ROBO1: variants seen among roughly 807,000 people sequenced by gnomAD.
ROBO1 encodes the protein roundabout guidance receptor 1, also known as roundabout homolog 1.
A neutral mutation model predicts 195.9 loss-of-function variants in ROBO1; 149 were observed. The observed-to-expected ratio is 0.76, with a 90% CI of 0.67 to 0.87. The LOEUF is 0.87. ROBO1 is among the 40% of genes least tolerant of loss of function. The pLI, the probability that ROBO1 is intolerant of heterozygous loss-of-function variation, is 0.00. For synonymous variants in ROBO1, 816 were observed against 733.2 expected (o/e 1.11, Z -1.82); for missense variants, 1,933 against 2,068.3 (o/e 0.93, Z 1.27).
intron 1 of ROBO1, among the ~76,000 whole-genome samples, chr3:79,622,597 C>A (rs1945042775): frequency 6.6e-6 from 1 of 152,218 alleles, no homozygotes; most frequent in Non-Finnish European, 1.5e-5. Flanking sequence ...TGAGGCCTGA[C>A]CCTGACCCAT....
intron 2 of ROBO1, among the ~76,000 whole-genome samples, chr3:79,500,522 G>A (rs906526010): frequency 6.6e-6 from 1 of 152,116 alleles, no homozygotes; most frequent in Non-Finnish European, 1.5e-5. Context: ...CTCCTGTGAC[G>A]CACCTGCCCT....
intron 1 of ROBO1, among the ~76,000 whole-genome samples, chr3:79,610,570 C>T (rs887861584): frequency 6.6e-6 from 1 of 151,928 alleles, no homozygotes; most frequent in African/African-American, 2.4e-5. Context: ...AATACTGATA[C>T]AAGTTTACAT....
intron 22 of ROBO1, among the ~76,000 whole-genome samples, chr3:78,639,108 T>G (rs1553689011): frequency 6.6e-6 from 1 of 151,632 alleles, no homozygotes; most frequent in Non-Finnish European, 1.5e-5. Context: ...ATTGCGCCTC[T>G]GAGCTCCAGC....
In ROBO1 at chr3:79,325,546, G is replaced by A. The variant is rs141425931; in HGVS notation, c.89-200007C>T. ...TCGTGGGAAGTCAGGGACCCCAAAC[G>A]GAGGGACCGGCTGAAGCCATGGCAG... On this transcript the variant is annotated intron_variant, in intron 2 of 30. Transcript: ENST00000464233. Among the ~76,000 whole-genome samples the A allele has an allele frequency of 1.6e-3, 248 of 152,280 alleles. 1 individual carries two copies. Among genetic ancestry groups the A allele is most frequent in the African/African-American group, 5.1e-3 (210 of 41,556 alleles).
chr3:79,583,317 T>C (rs1298149038), intron 2 of ROBO1, among the ~76,000 whole-genome samples: 1 of 152,002 alleles, frequency 6.6e-6, no homozygotes, highest in African/African-American at 2.4e-5. Flanking sequence ...GACTCTTACA[T>C]ATGCCATAAT....
At chr3:79,008,405 A>C (rs2077678036) in intron 3 of ROBO1, among the ~76,000 whole-genome samples, 1 of 152,154 alleles carries the variant, frequency 6.6e-6, no homozygotes, top group Admixed American at 6.6e-5. Flanking sequence ...CTGGGGAATA[A>C]ATAATTTTAT....
intron 3 of ROBO1, among the ~76,000 whole-genome samples, chr3:79,046,886 T>G (rs1476594874): frequency 6.6e-6 from 1 of 152,142 alleles, no homozygotes; most frequent in Non-Finnish European, 1.5e-5. Flanking sequence ...ACATAGGTTC[T>G]TTGAGATAAT....
At chr3:78,624,064 TAG>T (rs1345629101) in intron 26 of ROBO1, among the ~76,000 whole-genome samples, 5 of 152,250 alleles carry the variant, frequency 3.3e-5, no homozygotes, top group African/African-American at 9.6e-5. Context: ...GTTGGTTAAA[TAG>T]AGTTACACAC....
intron 1 of ROBO1, among the ~76,000 whole-genome samples, chr3:79,618,716 C>G (rs111528833): frequency 2.6e-5 from 4 of 152,152 alleles, no homozygotes; most frequent in Non-Finnish European, 4.4e-5. Context: ...TTCACATGGA[C>G]GCACATGACA....
At chr3:79,677,660 C>A (rs1392058816) in intron 1 of ROBO1, among the ~76,000 whole-genome samples, 1 of 152,068 alleles carries the variant, frequency 6.6e-6, no homozygotes, top group Non-Finnish European at 1.5e-5. Flanking sequence ...TATCAGCATG[C>A]AACTGCAAGT....
At chr3:79,180,824 G>A (rs901230646) in intron 2 of ROBO1, among the ~76,000 whole-genome samples, 1 of 152,100 alleles carries the variant, frequency 6.6e-6, no homozygotes, top group African/African-American at 2.4e-5. Context: ...AAGTAACTAT[G>A]GCCTGATTTC....
At chr3:79,023,392 A>G (rs2078139138) in intron 3 of ROBO1, among the ~76,000 whole-genome samples, 1 of 152,198 alleles carries the variant, frequency 6.6e-6, no homozygotes, top group African/African-American at 2.4e-5. Flanking sequence ...AGTGATCCGA[A>G]TAATCCGAAT....
chr3:79,141,374 C>T (rs764551630), intron 2 of ROBO1, among the ~76,000 whole-genome samples: 6 of 152,042 alleles, frequency 3.9e-5, no homozygotes, highest in Admixed American at 1.3e-4. Flanking sequence ...ACCACAGTCA[C>T]GGTTTTGCAC....
intron 2 of ROBO1, among the ~76,000 whole-genome samples, chr3:79,578,095 G>A (rs904917547): frequency 4.6e-5 from 7 of 151,754 alleles, no homozygotes; most frequent in Non-Finnish European, 8.8e-5. Context: ...TTTAAATCAC[G>A]AGATACTACT....
chr3:79,143,328 T>C (rs1485924002), intron 2 of ROBO1, among the ~76,000 whole-genome samples: 1 of 152,024 alleles, frequency 6.6e-6, no homozygotes, highest in Non-Finnish European at 1.5e-5. Context: ...ATTCTGTAGC[T>C]TCTAGGTAAA....
chr3:78,757,684 C>T lies in ROBO1; in HGVS notation c.500-10784G>A, dbSNP rs146487274. On this transcript the variant is annotated intron_variant, in intron 4 of 30. Coordinates refer to ENST00000464233, the MANE Select transcript of ROBO1 (RefSeq NM_002941.4). ...TGAAAACAAACAAACAAACTCTTCC[C>T]ACCAATGTATCTTTGTGAAGCATAA... 1.8e-3 allele frequency among the ~76,000 whole-genome samples: 269 copies of T among 152,244 alleles called. 1 individual carries two copies. The highest frequency in any genetic ancestry group is 0.014 in the Middle Eastern group (4 of 294).
chr3:79,475,843 A>G (rs997159587), intron 2 of ROBO1, among the ~76,000 whole-genome samples: 4 of 152,112 alleles, frequency 2.6e-5, no homozygotes, highest in African/African-American at 9.7e-5. Context: ...GAGTTTGGCA[A>G]TTGGACTTTA....
intron 3 of ROBO1, among the ~76,000 whole-genome samples, chr3:78,953,042 C>G (rs2040868223): frequency 6.6e-6 from 1 of 151,768 alleles, no homozygotes; most frequent in Admixed American, 6.6e-5. Flanking sequence ...GGCTATGTCC[C>G]CAGAGATATG....
At chr3:79,140,310 A>G (rs149200409) in intron 2 of ROBO1, among the ~76,000 whole-genome samples, 5 of 152,254 alleles carry the variant, frequency 3.3e-5, no homozygotes, top group Admixed American at 3.3e-4. Context: ...TATTTACTTG[A>G]TATTTTGGAA....
Sources: gnomAD v4.1 joint callset for allele counts (sites outside exome capture counted in the v4.1 genomes callset) on GRCh38, gnomAD v4.1.1 for gene constraint, MANE v1.5 for transcripts, NCBI Gene and HGNC (gene_info 2026-07-23, HGNC 2026-07-21) for gene names.